TOM1L2: variants seen among roughly 807,000 people sequenced by gnomAD.
TOM1L2 encodes target of myb1 like 2 membrane trafficking protein.
A neutral mutation model predicts 67.9 loss-of-function variants in TOM1L2; 31 were observed. That is an observed-to-expected ratio of 0.46 (90% confidence interval 0.34 to 0.62). TOM1L2 has a LOEUF of 0.62. TOM1L2 is among the 20% of genes least tolerant of loss of function. The pLI, the probability that TOM1L2 is intolerant of heterozygous loss-of-function variation, is 0.01. For missense variants in TOM1L2, 606 were observed against 663.5 expected, an observed-to-expected ratio of 0.91 and a Z score of 0.95; for synonymous variants, 256 against 254.0, an observed-to-expected ratio of 1.01 and a Z score of -0.07.
chr17:17,910,153 AG>A (rs2039282018), intron 1 of TOM1L2, among the ~76,000 whole-genome samples: 1 of 152,224 alleles, frequency 6.6e-6, no homozygotes, highest in Non-Finnish European at 1.5e-5. Context: ...AGGGAGTAGC[AG>A]GGTGGGGATC....
chr17:17,883,888 A>C (rs1308047697), intron 5 of TOM1L2, among the ~76,000 whole-genome samples: 1 of 152,136 alleles, frequency 6.6e-6, no homozygotes, highest in Non-Finnish European at 1.5e-5. Flanking sequence ...GGTGAAGTGT[A>C]CTGGGATGAG....
intron 1 of TOM1L2, among the ~76,000 whole-genome samples, chr17:17,947,687 GC>G (rs2041011376): frequency 6.6e-6 from 1 of 152,168 alleles, no homozygotes; most frequent in African/African-American, 2.4e-5. Flanking sequence ...CTCATTTAAT[GC>G]CCCGACACAT....
chr17:17,952,376 C>CTTTTTTTTTT lies in TOM1L2; in HGVS notation c.52+19876_52+19885dup, dbSNP rs60388742. Among the ~76,000 whole-genome samples the CTTTTTTTTTT allele has an allele frequency of 3.1e-3, 248 of 79,880 alleles. 14 individuals carry two copies. The highest frequency in any genetic ancestry group is 5.8e-3 in the African/African-American group (133 of 22,832). 52.4% of individuals were successfully genotyped at this position (79,880 alleles called of 152,430 possible). A position where few individuals can be genotyped will look rare whatever the true frequency, so the allele number is the denominator to read the frequency against. On this transcript the variant is annotated intron_variant, in intron 1 of 14. Coordinates refer to ENST00000379504, the MANE Select transcript of TOM1L2 (RefSeq NM_001082968.2). ...TATACAGTAAGTGCTTCTTTATTTT[C>CTTTTTTTTTT]TTTTTTTTTTTTTTTTTTTTTTTTT...
At chr17:17,956,480 C>T (rs558007977) in intron 1 of TOM1L2, among the ~76,000 whole-genome samples, 1 of 152,358 alleles carries the variant, frequency 6.6e-6, no homozygotes, top group South Asian at 2.1e-4. Context: ...GCCTGCCAGT[C>T]CCTGGCAGTG....
rs144669335 is a variant in TOM1L2 at position 17,873,049 on chromosome 17, A to G, written c.778-3576T>C. ...AAATACACCTCAGACTTTCCAGAAT[A>G]TAGGTGGCCTCAGGCACTTGCCACA... On this transcript the variant is annotated intron_variant, in intron 7 of 14. Transcript: ENST00000379504. Among the ~76,000 whole-genome samples, 232 of 152,310 alleles carry G rather than the reference A, an allele frequency of 1.5e-3. 1 individual carries two copies. Among genetic ancestry groups the G allele is most frequent in the African/African-American group, 5.2e-3 (216 of 41,560 alleles).
intron 1 of TOM1L2, among the ~76,000 whole-genome samples, chr17:17,934,792 G>A (rs561914093): frequency 1.3e-5 from 2 of 152,246 alleles, no homozygotes; most frequent in South Asian, 2.1e-4. Context: ...TGCAGGGCAC[G>A]GTGACAAGGC....
At chr17:17,929,553 C>A (rs899948370) in intron 1 of TOM1L2, among the ~76,000 whole-genome samples, 3 of 152,112 alleles carry the variant, frequency 2.0e-5, no homozygotes, top group African/African-American at 4.8e-5. Context: ...ATCGCTTGAA[C>A]CCGGGAAGCG....
At chr17:17,917,745 A>G (rs896822282) in intron 1 of TOM1L2, among the ~76,000 whole-genome samples, 9 of 152,000 alleles carry the variant, frequency 5.9e-5, no homozygotes, top group Non-Finnish European at 8.8e-5. Flanking sequence ...GCTTGAGCTC[A>G]GGAGTTTAAG....
At chr17:17,944,786 T>C (rs759618925) in intron 1 of TOM1L2, among the ~76,000 whole-genome samples, 13 of 152,214 alleles carry the variant, frequency 8.5e-5, no homozygotes, top group Non-Finnish European at 1.5e-4. Context: ...AGGTCCGCAC[T>C]TGTGCTCTCC....
rs549080683 is a variant in TOM1L2, at chr17:17,906,820, T to C, written c.137+627A>G. Among the ~76,000 whole-genome samples, 228 of 152,324 alleles carry C rather than the reference T, an allele frequency of 1.5e-3. 2 individuals are homozygous for C. The highest frequency in any genetic ancestry group is 3.4e-3 in the Middle Eastern group (1 of 294). ...TGAAAATGGTTTAAGAGGGCATGGC[T>C]ACAGTAAAGTAAGTGTTAGTGGTAT... On this transcript the variant is annotated intron_variant, in intron 2 of 14. Transcript: ENST00000379504.
At chr17:17,852,709 T>C (rs983019253) in intron 12 of TOM1L2, among the ~76,000 whole-genome samples, 2 of 151,542 alleles carry the variant, frequency 1.3e-5, no homozygotes, top group South Asian at 2.1e-4. Context: ...CTACTAAAAA[T>C]ACAAAATTAG....
At chr17:17,901,198 G>T (rs1322622633) in intron 2 of TOM1L2, among the ~76,000 whole-genome samples, 1 of 152,230 alleles carries the variant, frequency 6.6e-6, no homozygotes, top group Non-Finnish European at 1.5e-5. Context: ...AAAAGCTTCA[G>T]AGAGGAGGAT....
intron 1 of TOM1L2, among the ~76,000 whole-genome samples, chr17:17,954,892 G>A (rs1021711367): frequency 2.0e-5 from 3 of 152,142 alleles, no homozygotes; most frequent in Admixed American, 6.5e-5. Context: ...TACGCTCTAA[G>A]GCCAAGAGAG....
intron 3 of TOM1L2, among the ~76,000 whole-genome samples, chr17:17,895,774 T>C (rs2038537861): frequency 2.0e-5 from 3 of 152,148 alleles, no homozygotes; most frequent in Non-Finnish European, 4.4e-5. Context: ...GCAACATGTG[T>C]TAGATTTATT....
At chr17:17,908,677 T>C (rs746623439) in intron 1 of TOM1L2, among the ~76,000 whole-genome samples, 6 of 152,188 alleles carry the variant, frequency 3.9e-5, no homozygotes, top group Non-Finnish European at 8.8e-5. Flanking sequence ...CTAACAAGTA[T>C]GTGAAAAGAG....
At chr17:17,875,801 C>A (rs748636859) in intron 7 of TOM1L2, among the ~76,000 whole-genome samples, 4 of 152,182 alleles carry the variant, frequency 2.6e-5, no homozygotes, top group Non-Finnish European at 2.9e-5. Context: ...GGAATAAGGT[C>A]CTGAAGATCT....
intron 13 of TOM1L2, among the ~76,000 whole-genome samples, chr17:17,850,353 C>A (rs1292873244): frequency 6.6e-6 from 1 of 152,086 alleles, no homozygotes; most frequent in Non-Finnish European, 1.5e-5. Context: ...CATCTTCTAG[C>A]CCTATCTCTG....
chr17:17,956,188 T>C (rs1033623450), intron 1 of TOM1L2, among the ~76,000 whole-genome samples: 3 of 152,216 alleles, frequency 2.0e-5, no homozygotes, highest in Non-Finnish European at 4.4e-5. Context: ...AGAGAACTGA[T>C]TGGTCTGTTT....
chr17:17,943,916 T>C (rs144840537), intron 1 of TOM1L2, among the ~76,000 whole-genome samples: 144 of 152,334 alleles, frequency 9.5e-4, no homozygotes, highest in African/African-American at 1.9e-3. Context: ...ATGTTCTCTC[T>C]TCCTTGCACA....
Sources: gnomAD v4.1 joint callset for allele counts (sites outside exome capture counted in the v4.1 genomes callset) on GRCh38, gnomAD v4.1.1 for gene constraint, MANE v1.5 for transcripts, NCBI Gene and HGNC (gene_info 2026-07-23, HGNC 2026-07-21) for gene names.